ZNF248: variants seen among roughly 807,000 people sequenced by gnomAD.
ZNF248 encodes KRAB protein domain.
ZNF248 carries 20 observed loss-of-function variants against 44.3 expected under a neutral mutation model. That is an observed-to-expected ratio of 0.45 (90% CI 0.32 to 0.66). The LOEUF (loss-of-function observed/expected upper bound fraction) is 0.66. Ranked by LOEUF, ZNF248 falls within the 30% of genes least tolerant of loss-of-function variation. ZNF248 has a pLI of 0.04. For synonymous variants in ZNF248, 224 were observed against 229.0 expected (o/e 0.98, Z 0.20); for missense variants, 654 against 677.0 (o/e 0.97, Z 0.38).
At chr10:37,856,580 T>C in intron 1 of ZNF248, 48 bp from the exon 2 acceptor site, 1 of 1,147,944 alleles carries the variant, frequency 8.7e-7, no homozygotes, top group Non-Finnish European at 1.1e-6. Context: ...TTTAACAAGT[T>C]AACAGTAATC....
chr10:37,820,453 T>C, intron 6 of ZNF248: 6 of 1,588,374 alleles, frequency 3.8e-6, no homozygotes, highest in Non-Finnish European at 5.2e-6. Context: ...TGCTGCCATC[T>C]AAACCACAGA....
At chr10:37,759,306 C>T in the ZNF248 span, among the ~76,000 whole-genome samples, 1 of 152,208 alleles carries the variant, frequency 6.6e-6, no homozygotes, top group Non-Finnish European at 1.5e-5. Context: ...TCTTGGTTTA[C>T]TGACTCTTCT....
chr10:37,829,595 G>A lies in ZNF248; in HGVS notation c.*2020C>T. On this transcript the variant is annotated 3_prime_UTR_variant, in exon 6 of 6. Transcript: ENST00000395867. ...TTATTGAGGGTTATAAAAAGTCCCAGTAGAGAACAGGTATAGAGAGCAGAG... is the reference window on the plus strand; with the variant it reads ...TTATTGAGGGTTATAAAAAGTCCCAATAGAGAACAGGTATAGAGAGCAGAG... 1.0e-6 allele frequency: 1 copy of A among 985,402 alleles called. No individual in the cohort carries two copies. The highest frequency in any genetic ancestry group is 1.2e-6 in the Non-Finnish European group (1 of 829,928). The allele number at this position is 985,402 out of a possible 1,614,324, so 61.0% of individuals were successfully genotyped here. A position where few individuals can be genotyped will look rare whatever the true frequency, so the allele number is the denominator to read the frequency against.
At chr10:37,820,292 T>C in intron 6 of ZNF248, 1 of 1,385,640 alleles carries the variant, frequency 7.2e-7, no homozygotes, top group Non-Finnish European at 1.0e-6. Flanking sequence ...ATCTCATAGA[T>C]GAGGGACTGT....
intron 3 of ZNF248, among the ~76,000 whole-genome samples, chr10:37,845,641 C>A (rs1042714728): frequency 6.6e-6 from 1 of 151,768 alleles, no homozygotes; most frequent in Non-Finnish European, 1.5e-5. Flanking sequence ...AACAGATATG[C>A]ATTATAAGAA....
intron 6 of ZNF248, chr10:37,794,395 TC>T: frequency 6.3e-6 from 1 of 157,942 alleles, no homozygotes; most frequent in Middle Eastern, 7.6e-4. Flanking sequence ...GTGTAGGTTT[TC>T]CCACATTCAG....
intron 6 of ZNF248, among the ~76,000 whole-genome samples, chr10:37,809,727 TTC>T (rs1446605282): frequency 6.6e-6 from 1 of 152,214 alleles, no homozygotes. Context: ...TATGTTTTGT[TTC>T]TGTTTTCAGT....
rs866223974 is a variant in ZNF248, at chr10:37,780,605, C to G, written c.331-4030G>C. On this transcript the variant is annotated intron_variant, in intron 6 of 6. Coordinates refer to the ZNF248 transcript ENST00000615949. ...TGAGGACTCCTCGTCCCACGCAGGT[C>G]CATCCTCTGGCGTAGGGACTAATTC... Among the ~76,000 whole-genome samples, 3 of 152,340 alleles carry G rather than the reference C, an allele frequency of 2.0e-5. No homozygotes were observed. The South Asian group carries it at 6.2e-4, about 32-fold the overall frequency.
the ZNF248 span, among the ~76,000 whole-genome samples, chr10:37,758,993 T>C: frequency 2.6e-5 from 4 of 152,174 alleles, no homozygotes; most frequent in African/African-American, 4.8e-5. Context: ...GAGAATGCTC[T>C]GCTGTCCTGT....
At chr10:37,769,443 C>T in the ZNF248 span, among the ~76,000 whole-genome samples, 1 of 152,158 alleles carries the variant, frequency 6.6e-6, no homozygotes, top group Non-Finnish European at 1.5e-5. Context: ...TGGGCTTCAT[C>T]CCTGGAATGC....
At chr10:37,808,714 T>C (rs569587765) in intron 6 of ZNF248, among the ~76,000 whole-genome samples, 1 of 152,302 alleles carries the variant, frequency 6.6e-6, no homozygotes, top group South Asian at 2.1e-4. Context: ...ATGGCTGTGA[T>C]ATCAAAGTAA....
chr10:37,770,532 T>C, the ZNF248 span, among the ~76,000 whole-genome samples: 2 of 152,236 alleles, frequency 1.3e-5, no homozygotes, highest in African/African-American at 4.8e-5. Context: ...AAGGATTCCC[T>C]ATTTAATAAA....
At chr10:37,767,561 G>C in the ZNF248 span, among the ~76,000 whole-genome samples, 1 of 152,098 alleles carries the variant, frequency 6.6e-6, no homozygotes. Context: ...ATACTTTACA[G>C]ACAAGTAAAT....
intron 6 of ZNF248, among the ~76,000 whole-genome samples, chr10:37,784,811 T>C (rs1378565692): frequency 2.0e-5 from 3 of 152,162 alleles, no homozygotes; most frequent in Admixed American, 2.0e-4. Flanking sequence ...GTACTCTGCT[T>C]ACCTTGGTAA....
chr10:37,780,856 C>T (rs990012307), intron 6 of ZNF248, among the ~76,000 whole-genome samples: 7 of 152,110 alleles, frequency 4.6e-5, no homozygotes, highest in Non-Finnish European at 8.8e-5. Context: ...GGGCTGAATC[C>T]GCTCCCGGAG....
intron 6 of ZNF248, among the ~76,000 whole-genome samples, chr10:37,813,414 T>C (rs1334502114): frequency 6.6e-6 from 1 of 152,138 alleles, no homozygotes; most frequent in Non-Finnish European, 1.5e-5. Context: ...TTATACCACG[T>C]GTGTTTGCCT....
Position 37,830,410 on chromosome 10 carries a change from CAT to C in ZNF248, c.*1203_*1204del, listed in dbSNP as rs1166612864. 1.0e-6 allele frequency: 1 copy of C among 985,192 alleles called. No individual in the cohort carries two copies. Among genetic ancestry groups the C allele is most frequent in the African/African-American group, 1.7e-5 (1 of 57,210 alleles). 61.0% of individuals were successfully genotyped at this position (985,192 alleles called of 1,614,324 possible). A position where few individuals can be genotyped will look rare whatever the true frequency, so the allele number is the denominator to read the frequency against. ...TTGTGAAATAATATTTCACTAAAAA[CAT>C]ATACTGGCCAACCTACAAAGAGACT... On this transcript the variant is annotated 3_prime_UTR_variant, in exon 6 of 6. Coordinates refer to ENST00000395867, the MANE Select transcript of ZNF248 (RefSeq NM_021045.3).
chr10:37,790,205 A>G (rs1453592856), intron 6 of ZNF248, among the ~76,000 whole-genome samples: 7 of 147,548 alleles, frequency 4.7e-5, no homozygotes, highest in African/African-American at 1.8e-4. Context: ...CGGGAGGCGG[A>G]GCTTGCAGTG....
chr10:37,802,344 T>C (rs1027382623), intron 6 of ZNF248, among the ~76,000 whole-genome samples: 7 of 152,098 alleles, frequency 4.6e-5, no homozygotes, highest in African/African-American at 7.2e-5. Flanking sequence ...CCTAGAAAAC[T>C]TGCATGCAAG....
Sources: allele counts gnomAD v4.1 joint callset (sites outside exome capture counted in the v4.1 genomes callset), GRCh38; gene constraint gnomAD v4.1.1; transcripts MANE v1.5; gene names NCBI Gene and HGNC (gene_info 2026-07-23, HGNC 2026-07-21).